RAB7A: variants seen among roughly 807,000 people sequenced by gnomAD.
RAB7A encodes the protein ras-related protein Rab-7a.
Under a neutral mutation model 24.5 loss-of-function variants are expected in RAB7A, and 2 were observed. That is an observed-to-expected ratio of 0.08 (90% CI 0.03 to 0.26). The LOEUF (loss-of-function observed/expected upper bound fraction) is 0.26, where lower values mean the gene tolerates loss of function less well. Ranked by LOEUF, RAB7A falls within the 10% of genes least tolerant of loss-of-function variation. RAB7A has a pLI of 1.00. For missense variants in RAB7A, 118 were observed against 255.7 expected (o/e 0.46, Z 3.67); for synonymous variants, 100 against 95.9 (o/e 1.04, Z -0.25).
At chr3:128,777,596 C>A (rs1383028820) in intron 1 of RAB7A, among the ~76,000 whole-genome samples, 2 of 152,216 alleles carry the variant, frequency 1.3e-5, no homozygotes, top group African/African-American at 4.8e-5. Flanking sequence ...TAAACTATCA[C>A]TAGCAGATTT....
chr3:128,798,333 TTTTTGTTG>T, intron 3 of RAB7A: 1 of 394,984 alleles, frequency 2.5e-6, no homozygotes, highest in Non-Finnish European at 4.7e-6. Context: ...CCTTTCTTGT[TTTTTGTTG>T]TTTTTGGTTT....
intron 1 of RAB7A, among the ~76,000 whole-genome samples, chr3:128,774,185 TAA>T (rs34234745): frequency 1.9e-4 from 22 of 115,052 alleles, no homozygotes; most frequent in African/African-American, 4.4e-4. Context: ...ATGTATTAAC[TAA>T]AAAAAAAAAA....
chr3:128,737,281 C>T (rs887563510), intron 1 of RAB7A, among the ~76,000 whole-genome samples: 4 of 150,494 alleles, frequency 2.7e-5, no homozygotes, highest in East Asian at 1.9e-4. Flanking sequence ...CCTTGTGATC[C>T]GCCTCCCTCA....
chr3:128,746,831 G>A (rs2070621555), intron 1 of RAB7A, among the ~76,000 whole-genome samples: 1 of 151,470 alleles, frequency 6.6e-6, no homozygotes. Context: ...GCCCGGCCGG[G>A]GTTCAACTTT....
chr3:128,797,296 G>A (rs1933598102), intron 2 of RAB7A, among the ~76,000 whole-genome samples: 1 of 151,836 alleles, frequency 6.6e-6, no homozygotes, highest in Admixed American at 6.6e-5. Context: ...GCTATGGGGG[G>A]GAAGGTTTTT....
intron 1 of RAB7A, among the ~76,000 whole-genome samples, chr3:128,742,065 C>A (rs1022945620): frequency 6.6e-6 from 1 of 152,144 alleles, no homozygotes; most frequent in Non-Finnish European, 1.5e-5. Context: ...GAGTTTCTTC[C>A]TTCTGATGTT....
At chr3:128,765,263 A>G (rs2070819324) in intron 1 of RAB7A, among the ~76,000 whole-genome samples, 1 of 152,156 alleles carries the variant, frequency 6.6e-6, no homozygotes, top group African/African-American at 2.4e-5. Context: ...GTGCCTGTCC[A>G]GTACCCTCGC....
At chr3:128,726,780 G>T (rs1040881247) in intron 1 of RAB7A, among the ~76,000 whole-genome samples, 2 of 152,196 alleles carry the variant, frequency 1.3e-5, no homozygotes. Flanking sequence ...GGTCACAGGC[G>T]CTGGGGGCCG....
intron 2 of RAB7A, among the ~76,000 whole-genome samples, chr3:128,796,523 A>G (rs1933580705): frequency 6.6e-6 from 1 of 152,168 alleles, no homozygotes; most frequent in African/African-American, 2.4e-5. Context: ...GCTTTGACTC[A>G]TTGGAAGCTT....
intron 1 of RAB7A, among the ~76,000 whole-genome samples, chr3:128,791,375 A>G (rs1933449054): frequency 6.6e-6 from 1 of 152,164 alleles, no homozygotes; most frequent in Non-Finnish European, 1.5e-5. Flanking sequence ...TCCTGGCCTC[A>G]GGTGATTCAC....
At position 128,765,757 on chromosome 3, in the gene RAB7A, CTTT is replaced by C. The variant is rs57347555; in HGVS notation, c.-8-29587_-8-29585del. Reference sequence around the variant, plus strand: ...CACTCCCCCAAAGGCTCTACCTCTACTTTTTTTTTTTTTTTTTTCCCGAGACAG... The same window carrying C: ...CACTCCCCCAAAGGCTCTACCTCTACTTTTTTTTTTTTTTTCCCGAGACAG... On this transcript the variant is annotated intron_variant, in intron 1 of 5. Transcript: ENST00000265062. Among the ~76,000 whole-genome samples, 94 of 134,136 alleles carry C rather than the reference CTTT, an allele frequency of 7.0e-4. No homozygotes were observed. The East Asian group carries it at 8.8e-3, about 13-fold the overall frequency. 88.0% of individuals were successfully genotyped at this position (134,136 alleles called of 152,430 possible). A position where few individuals can be genotyped will look rare whatever the true frequency, so the allele number is the denominator to read the frequency against.
At chr3:128,781,457 C>T (rs1933215860) in intron 1 of RAB7A, among the ~76,000 whole-genome samples, 1 of 150,756 alleles carries the variant, frequency 6.6e-6, no homozygotes, top group African/African-American at 2.4e-5. Context: ...ATGTGTGAAC[C>T]CAGGAGTTTG....
At chr3:128,745,765 AG>A (rs1361547831) in intron 1 of RAB7A, among the ~76,000 whole-genome samples, 23 of 152,348 alleles carry the variant, frequency 1.5e-4, no homozygotes, top group African/African-American at 5.5e-4. Context: ...GGTGGGATGG[AG>A]GGACTCACCC....
chr3:128,806,305 C>T, intron 3 of RAB7A, 67 bp from the exon 4 acceptor site: 2 of 1,443,222 alleles, frequency 1.4e-6, no homozygotes, highest in South Asian at 2.4e-5. Context: ...TCTGGCACCC[C>T]TTGCATACAT....
intron 1 of RAB7A, among the ~76,000 whole-genome samples, chr3:128,739,259 C>T (rs1398996159): frequency 6.6e-6 from 1 of 152,160 alleles, no homozygotes; most frequent in African/African-American, 2.4e-5. Flanking sequence ...CCTGTAATCT[C>T]AGCAGTTTGG....
chr3:128,732,409 A>G (rs997023042), intron 1 of RAB7A, among the ~76,000 whole-genome samples: 5 of 152,006 alleles, frequency 3.3e-5, no homozygotes, highest in Admixed American at 6.6e-5. Flanking sequence ...AAAAAAAGCT[A>G]GGAAAATTCA....
At chr3:128,798,103 T>C (rs910074901) in intron 3 of RAB7A, 34 bp downstream of exon 3, 19 of 1,611,182 alleles carry the variant, frequency 1.2e-5, no homozygotes, top group Non-Finnish European at 1.5e-5. Flanking sequence ...TGACCAGGCC[T>C]TGATAGTTCA....
intron 1 of RAB7A, among the ~76,000 whole-genome samples, chr3:128,742,603 AT>A (rs1265371542): frequency 6.6e-6 from 1 of 152,158 alleles, no homozygotes; most frequent in Non-Finnish European, 1.5e-5. Context: ...TCCCCACTAG[AT>A]TAGCTAGACA....
intron 1 of RAB7A, among the ~76,000 whole-genome samples, chr3:128,753,847 C>T (rs1215881640): frequency 6.6e-6 from 1 of 152,020 alleles, no homozygotes; most frequent in Non-Finnish European, 1.5e-5. Context: ...CTGTGTTGCC[C>T]AGGCTGGTGT....
Sources: gnomAD v4.1 joint callset for allele counts (sites outside exome capture counted in the v4.1 genomes callset) on GRCh38, gnomAD v4.1.1 for gene constraint, MANE v1.5 for transcripts, NCBI Gene and HGNC (gene_info 2026-07-23, HGNC 2026-07-21) for gene names.